AGR3: variants seen among roughly 807,000 people sequenced by gnomAD.
The protein encoded by AGR3 is anterior gradient protein 3.
In AGR3, 37 loss-of-function variants were observed where a neutral mutation model predicts 24.5. That is an observed-to-expected ratio of 1.51 (90% confidence interval 1.16 to 1.99). The LOEUF (loss-of-function observed/expected upper bound fraction) is 1.99, where lower values mean the gene tolerates loss of function less well. Ranked by LOEUF, AGR3 falls within the 30% of genes most tolerant of loss-of-function variation. The probability of loss-of-function intolerance (pLI) is 0.00; values close to 1 mark genes in which losing one functional copy is unlikely to be tolerated. For synonymous variants in AGR3, 75 were observed against 61.6 expected (o/e 1.22, Z -1.02); for missense variants, 228 against 191.1 (o/e 1.19, Z -1.14).
intron 4 of AGR3, 104 bp downstream of exon 4, chr7:16,862,506 T>C (rs909537862): frequency 1.2e-5 from 7 of 606,506 alleles, no homozygotes; most frequent in Admixed American, 7.8e-5. Flanking sequence ...TTTTTTTTAA[T>C]GGGATTTGCT....
chr7:16,863,551 G>T (rs1269454875), intron 3 of AGR3, among the ~76,000 whole-genome samples: 1 of 151,644 alleles, frequency 6.6e-6, no homozygotes, highest in Non-Finnish European at 1.5e-5. Context: ...TCTCCCAGAG[G>T]TTTTCAGGTC....
At chr7:16,859,125 C>T (rs1366627311), downstream of AGR3, among the ~76,000 whole-genome samples, 1 of 151,786 alleles carries the variant, frequency 6.6e-6, no homozygotes, top group Non-Finnish European at 1.5e-5. Context: ...AGACCAGGAA[C>T]AGTGGCTCAG....
chr7:16,862,885 G>T (rs1187593092), intron 3 of AGR3, among the ~76,000 whole-genome samples: 2 of 152,092 alleles, frequency 1.3e-5, no homozygotes, highest in Admixed American at 6.6e-5. Context: ...AAATTCAAAG[G>T]CTCCGTTCCC....
intron 1 of AGR3, among the ~76,000 whole-genome samples, chr7:16,878,853 T>C (rs1049499863): frequency 6.6e-6 from 1 of 152,326 alleles, no homozygotes; most frequent in East Asian, 1.9e-4. Flanking sequence ...TGGTGAGAAG[T>C]CATGTTCTGA....
chr7:16,855,493 T>C (rs908562373), downstream of AGR3, among the ~76,000 whole-genome samples: 13 of 152,168 alleles, frequency 8.5e-5, no homozygotes, highest in African/African-American at 2.4e-4. Flanking sequence ...AATGGCCTCC[T>C]ATTGTGGGTG....
chr7:16,856,119 A>G (rs2115397785), downstream of AGR3, among the ~76,000 whole-genome samples: 1 of 152,268 alleles, frequency 6.6e-6, no homozygotes, highest in East Asian at 1.9e-4. Context: ...GTAAGGAGTT[A>G]TTTCCCACCA....
chr7:16,859,349 CT>C (rs1781596738), downstream of AGR3: 5 of 432,914 alleles, frequency 1.2e-5, no homozygotes, highest in Non-Finnish European at 2.1e-5. Context: ...CTTGTCTCCA[CT>C]ATAACTCTTG....
rs139157421 is a variant in AGR3, at chr7:16,864,979, A to T, written c.174-2317T>A. The T allele has an allele frequency of 5.8e-4, 568 of 985,672 alleles. 5 individuals are homozygous for T. The East Asian group carries it at 7.5e-3, about 13-fold the overall frequency. The allele number at this position is 985,672 out of a possible 1,614,324, so 61.1% of individuals were successfully genotyped here. A position where few individuals can be genotyped will look rare whatever the true frequency, so the allele number is the denominator to read the frequency against. ...ATATAAATTAAATAAGTCTCCTGGC[A>T]TGTGTGACATTTCTACTACCTCCTC... On this transcript the variant is annotated intron_variant, in intron 3 of 7. Coordinates refer to ENST00000310398, the MANE Select transcript of AGR3 (RefSeq NM_176813.5).
chr7:16,881,119 A>G (rs952666382), intron 1 of AGR3, among the ~76,000 whole-genome samples: 4 of 152,232 alleles, frequency 2.6e-5, no homozygotes, highest in African/African-American at 9.6e-5. Context: ...TATGTTAGCT[A>G]CAGAGACAAG....
At chr7:16,860,386 C>G in intron 7 of AGR3, 114 bp downstream of exon 7, 1 of 807,312 alleles carries the variant, frequency 1.2e-6, no homozygotes, top group Non-Finnish European at 2.1e-6. Context: ...TTAAACACCA[C>G]CACTAGCCTC....
chr7:16,865,039 A>T, intron 3 of AGR3: 3 of 816,344 alleles, frequency 3.7e-6, no homozygotes, highest in Non-Finnish European at 6.6e-6. Context: ...TCATATTCTG[A>T]TAAATGAGAG....
At chr7:16,860,710 T>C (rs900105644) in intron 6 of AGR3, 127 bp from the exon 7 acceptor site, 233 of 640,406 alleles carry the variant, frequency 3.6e-4, no homozygotes, top group Non-Finnish European at 5.6e-4. Flanking sequence ...AGATATATTG[T>C]GTGATGCTGA....
chr7:16,855,118 T>C (rs866919782), downstream of AGR3, among the ~76,000 whole-genome samples: 3 of 152,210 alleles, frequency 2.0e-5, no homozygotes, highest in East Asian at 1.9e-4. Flanking sequence ...ACATTTATCA[T>C]TCCTTGTATT....
intron 3 of AGR3, chr7:16,865,443 G>A: frequency 1.2e-6 from 1 of 830,740 alleles, no homozygotes; most frequent in East Asian, 2.5e-5. Context: ...TGGTGCCACA[G>A]GGTTGAAACT....
intron 3 of AGR3, chr7:16,865,480 G>T: frequency 1.4e-6 from 1 of 735,516 alleles, no homozygotes; most frequent in Non-Finnish European, 2.5e-6. Flanking sequence ...TGCTCTTCCC[G>T]AATTTCTTTG....
At chr7:16,872,310 A>G (rs1781880724) in intron 3 of AGR3, among the ~76,000 whole-genome samples, 1 of 152,234 alleles carries the variant, frequency 6.6e-6, no homozygotes, top group African/African-American at 2.4e-5. Flanking sequence ...CCACGTATTT[A>G]AAGTCAGCTG....
intron 3 of AGR3, chr7:16,865,294 T>C: frequency 9.3e-7 from 1 of 1,070,024 alleles, no homozygotes; most frequent in African/African-American, 1.6e-5. Context: ...ATCTGGAGGC[T>C]GTTTATTGCA....
At chr7:16,856,605 CT>C (rs1781557675), downstream of AGR3, among the ~76,000 whole-genome samples, 1 of 152,150 alleles carries the variant, frequency 6.6e-6, no homozygotes, top group South Asian at 2.1e-4. Flanking sequence ...GAATGTACAA[CT>C]TTTTTGACTG....
rs189279460 is a variant in AGR3 at position 16,859,495 on chromosome 7, C to T, written c.*87G>A. 7.6e-4 allele frequency: 639 copies of T among 836,958 alleles called. 3 individuals carry two copies. The African/African-American group carries it at 9.6e-3, about 13-fold the overall frequency. 51.8% of individuals were successfully genotyped at this position (836,958 alleles called of 1,614,324 possible). A position where few individuals can be genotyped will look rare whatever the true frequency, so the allele number is the denominator to read the frequency against. ...ATAGTAATATTACAAAATCTATATA[C>T]TTGCACATTTAGTATTTGTCAATGT... On this transcript the variant is annotated 3_prime_UTR_variant, in exon 8 of 8. Coordinates refer to ENST00000310398, the MANE Select transcript of AGR3 (RefSeq NM_176813.5).
Sources: allele counts gnomAD v4.1 joint callset (sites outside exome capture counted in the v4.1 genomes callset), GRCh38; gene constraint gnomAD v4.1.1; transcripts MANE v1.5; gene names NCBI Gene and HGNC (gene_info 2026-07-23, HGNC 2026-07-21).